Variants in CFAP299 observed in about 807,000 individuals in gnomAD.
CFAP299 encodes cilia and flagella associated protein 299.
In CFAP299, 21 loss-of-function variants were observed where a neutral mutation model predicts 27.0. That is an observed-to-expected ratio of 0.78 (90% CI 0.55 to 1.12). CFAP299 has a LOEUF of 1.12. Ranked by LOEUF, CFAP299 falls within the 50% of genes most tolerant of loss-of-function variation. The pLI, the probability that CFAP299 is intolerant of heterozygous loss-of-function variation, is 0.00. For synonymous variants in CFAP299, 104 were observed against 98.1 expected (o/e 1.06, Z -0.36); for missense variants, 310 against 276.6 (o/e 1.12, Z -0.86).
intron 1 of CFAP299, among the ~76,000 whole-genome samples, chr4:80,357,309 G>T (rs917310824): frequency 7.2e-5 from 11 of 152,126 alleles, no homozygotes; most frequent in African/African-American, 2.4e-4. Context: ...TTTTAATGTG[G>T]TATCTCTGCC....
chr4:80,560,460 A>C (rs1046636450), intron 2 of CFAP299, among the ~76,000 whole-genome samples: 3 of 152,040 alleles, frequency 2.0e-5, no homozygotes, highest in African/African-American at 7.2e-5. Flanking sequence ...TTTGTCTTGC[A>C]CTTTAGGTAC....
At chr4:80,741,360 C>T (rs1017181169) in intron 3 of CFAP299, among the ~76,000 whole-genome samples, 22 of 151,992 alleles carry the variant, frequency 1.4e-4, no homozygotes, top group African/African-American at 4.1e-4. Flanking sequence ...GCAATTCTAC[C>T]GCCTCAGCCT....
chr4:80,426,974 A>G (rs907294601), intron 2 of CFAP299, among the ~76,000 whole-genome samples: 3 of 152,206 alleles, frequency 2.0e-5, no homozygotes, highest in South Asian at 2.1e-4. Context: ...TTCAAGAGTA[A>G]TAAAATGTAG....
At chr4:80,503,198 A>C (rs2081942299) in intron 2 of CFAP299, among the ~76,000 whole-genome samples, 1 of 152,116 alleles carries the variant, frequency 6.6e-6, no homozygotes, top group Non-Finnish European at 1.5e-5. Context: ...CTAGGATTCA[A>C]AGTCTTTCAC....
Position 80,400,562 on chromosome 4 carries a change from G to A in CFAP299, c.242+37678G>A, listed in dbSNP as rs191437511. Among the ~76,000 whole-genome samples, 636 of 152,110 alleles carry A rather than the reference G, an allele frequency of 4.2e-3. 1 individual carries two copies. The highest frequency in any genetic ancestry group is 7.2e-3 in the Non-Finnish European group (492 of 67,986). On this transcript the variant is annotated intron_variant, in intron 2 of 5. Transcript: ENST00000358105. Reference sequence around the variant, plus strand: ...TTCTTCCTCATTTTCTCTTGCTACCGCCATGTAAGAAGTGCCTTTCACCTC... The same window carrying A: ...TTCTTCCTCATTTTCTCTTGCTACCACCATGTAAGAAGTGCCTTTCACCTC...
At chr4:80,673,817 CAG>C (rs2109996873) in intron 3 of CFAP299, among the ~76,000 whole-genome samples, 1 of 148,558 alleles carries the variant, frequency 6.7e-6, no homozygotes, top group East Asian at 2.0e-4. Context: ...TATGTTTTAT[CAG>C]AGACTAGGAT....
chr4:80,465,877 A>G (rs1729675668), intron 2 of CFAP299, among the ~76,000 whole-genome samples: 1 of 152,192 alleles, frequency 6.6e-6, no homozygotes, highest in Admixed American at 6.5e-5. Context: ...ACAACAAGAA[A>G]AGGAATGCTG....
chr4:80,535,494 CAAAAAAA>C (rs143122836), intron 2 of CFAP299, among the ~76,000 whole-genome samples: 1 of 33,278 alleles, frequency 3.0e-5, no homozygotes, highest in Non-Finnish European at 8.2e-5. Context: ...GACTCCGTCT[CAAAAAAA>C]AAAAAAAAAA....
intron 4 of CFAP299, among the ~76,000 whole-genome samples, chr4:80,928,854 A>G (rs911433046): frequency 6.6e-6 from 1 of 152,178 alleles, no homozygotes. Flanking sequence ...GTATCTTCCC[A>G]TTATTTTTTC....
intron 3 of CFAP299, among the ~76,000 whole-genome samples, chr4:80,836,297 AAGTT>A (rs1730556778): frequency 6.6e-6 from 1 of 152,168 alleles, no homozygotes; most frequent in African/African-American, 2.4e-5. Context: ...AATTACCACA[AAGTT>A]AGCAGCTTAA....
chr4:80,961,262 G>A (rs182723295), intron 5 of CFAP299, among the ~76,000 whole-genome samples: 74 of 151,786 alleles, frequency 4.9e-4, no homozygotes, highest in African/African-American at 1.7e-3. Flanking sequence ...AGAATAAAAT[G>A]TTGTTTATAT....
chr4:80,436,677 G>A (rs935139567), intron 2 of CFAP299, among the ~76,000 whole-genome samples: 3 of 152,172 alleles, frequency 2.0e-5, no homozygotes, highest in African/African-American at 7.2e-5. Context: ...TGAAACATAG[G>A]TAAGGTATTA....
intron 3 of CFAP299, among the ~76,000 whole-genome samples, chr4:80,790,047 C>T (rs1463610613): frequency 1.3e-5 from 2 of 151,984 alleles, no homozygotes; most frequent in African/African-American, 4.8e-5. Context: ...TTTTCACCCC[C>T]AAAATCAAAA....
intron 3 of CFAP299, among the ~76,000 whole-genome samples, chr4:80,659,139 A>C (rs1195161522): frequency 6.6e-6 from 1 of 152,150 alleles, no homozygotes; most frequent in Non-Finnish European, 1.5e-5. Context: ...CAACTGCCTA[A>C]CTACCATATG....
At chr4:80,734,600 T>C (rs1318057316) in intron 3 of CFAP299, among the ~76,000 whole-genome samples, 1 of 152,146 alleles carries the variant, frequency 6.6e-6, no homozygotes, top group East Asian at 1.9e-4. Flanking sequence ...TAGTTTGAGG[T>C]CTTAGATTTA....
chr4:80,746,791 A>G (rs1724632338), intron 3 of CFAP299, among the ~76,000 whole-genome samples: 1 of 152,054 alleles, frequency 6.6e-6, no homozygotes, highest in Admixed American at 6.6e-5. Flanking sequence ...AAGAGATATT[A>G]TATAATCTTA....
intron 2 of CFAP299, among the ~76,000 whole-genome samples, chr4:80,428,899 T>C (rs537171383): frequency 6.6e-6 from 1 of 152,214 alleles, no homozygotes; most frequent in African/African-American, 2.4e-5. Context: ...TCCAGAATTA[T>C]TGACACTCTG....
intron 3 of CFAP299, among the ~76,000 whole-genome samples, chr4:80,749,740 A>G (rs1257574202): frequency 6.6e-6 from 1 of 152,010 alleles, no homozygotes; most frequent in Non-Finnish European, 1.5e-5. Flanking sequence ...CAGTGAGTCT[A>G]CTCTCTCCAT....
At chr4:80,869,882 C>T in intron 3 of CFAP299, 111 bp from the exon 4 acceptor site, 1 of 1,037,988 alleles carries the variant, frequency 9.6e-7, no homozygotes, top group Non-Finnish European at 1.4e-6. Context: ...TTCAGAAGCC[C>T]TGCTTCCTAT....
Sources: gnomAD v4.1 joint callset for allele counts (sites outside exome capture counted in the v4.1 genomes callset) on GRCh38, gnomAD v4.1.1 for gene constraint, MANE v1.5 for transcripts, NCBI Gene and HGNC (gene_info 2026-07-23, HGNC 2026-07-21) for gene names.